The following CACNA1E variants were observed in gnomAD, a reference collection of about 807,000 sequenced individuals.
The protein encoded by CACNA1E is voltage-dependent R-type calcium channel subunit alpha-1E.
A neutral mutation model predicts 259.2 loss-of-function variants in CACNA1E; 40 were observed. That is an observed-to-expected ratio of 0.15 (90% CI 0.12 to 0.20). The LOEUF is 0.20. Ranked by LOEUF, CACNA1E falls within the 10% of genes least tolerant of loss-of-function variation. The pLI, the probability that CACNA1E is intolerant of heterozygous loss-of-function variation, is 1.00. For missense variants in CACNA1E, 1,874 were observed against 3,040.1 expected (o/e 0.62, Z 9.02); for synonymous variants, 1,104 against 1,138.5 (o/e 0.97, Z 0.61).
intron 35 of CACNA1E, among the ~76,000 whole-genome samples, chr1:181,768,540 A>G (rs1246310581): frequency 6.6e-6 from 1 of 152,212 alleles, no homozygotes; most frequent in Non-Finnish European, 1.5e-5. Flanking sequence ...TCATAACTCT[A>G]TACTGTGTCT....
chr1:181,615,885 C>A (rs964796565), intron 6 of CACNA1E, among the ~76,000 whole-genome samples: 1 of 152,022 alleles, frequency 6.6e-6, no homozygotes, highest in African/African-American at 2.4e-5. Context: ...TTATAGACAC[C>A]CTTTTTAGGA....
Position 181,718,180 on chromosome 1 carries a change from A to G in CACNA1E, c.1638+13A>G. On this transcript the variant is annotated intron_variant, in intron 12 of 47. Coordinates refer to ENST00000367573, the MANE Select transcript of CACNA1E (RefSeq NM_001205293.3). ...CTTTGATTTTGGGGTAAGTCCTCGG[A>G]AGCCTGCCTCTGCTCCTGCTTCGTG... The G allele has an allele frequency of 2.9e-6, 4 of 1,391,926 alleles. No individual in the cohort carries two copies. Among genetic ancestry groups the G allele is most frequent in the Non-Finnish European group, 3.1e-6 (3 of 981,288 alleles). 86.2% of individuals were successfully genotyped at this position (1,391,926 alleles called of 1,614,324 possible). A position where few individuals can be genotyped will look rare whatever the true frequency, so the allele number is the denominator to read the frequency against.
intron 3 of CACNA1E, among the ~76,000 whole-genome samples, chr1:181,576,764 A>G (rs1255608854): frequency 4.6e-5 from 7 of 152,246 alleles, no homozygotes; most frequent in Non-Finnish European, 7.3e-5. Context: ...GTTTTAAATT[A>G]AGATTTTATT....
At position 181,559,888 on chromosome 1, in the gene CACNA1E, A is replaced by T. The variant is rs188052085; in HGVS notation, c.513-17878A>T. On this transcript the variant is annotated intron_variant, in intron 3 of 47. Transcript: ENST00000367573. ...AGAGGGGGTCATCACAGAGCTGCTG[A>T]AGGCGTGGGATGCAGAGCATCGACA... 2.8e-3 allele frequency among the ~76,000 whole-genome samples: 430 copies of T among 152,324 alleles called. 2 individuals are homozygous for T. Among genetic ancestry groups the T allele is most frequent in the Non-Finnish European group, 4.0e-3 (270 of 68,024 alleles).
intron 6 of CACNA1E, among the ~76,000 whole-genome samples, chr1:181,629,328 C>T (rs1293200657): frequency 1.3e-5 from 2 of 152,156 alleles, no homozygotes; most frequent in Non-Finnish European, 2.9e-5. Context: ...ATGTATTTTT[C>T]TAATGGCCAG....
intron 45 of CACNA1E, 89 bp downstream of exon 45, chr1:181,793,882 G>A (rs1004550354): frequency 3.9e-5 from 54 of 1,384,124 alleles, no homozygotes; most frequent in Middle Eastern, 2.2e-4. Context: ...CAGGTGAGCC[G>A]TTGACTTGCC....
intron 8 of CACNA1E, 40 bp downstream of exon 8, chr1:181,711,109 C>A: frequency 7.4e-7 from 1 of 1,351,046 alleles, no homozygotes; most frequent in Non-Finnish European, 1.1e-6. Flanking sequence ...GAGTGGGCTG[C>A]AGAGACATCA....
chr1:181,799,343 C>T lies in CACNA1E; in HGVS notation c.*509C>T, dbSNP rs1662096583. The T allele has an allele frequency of 6.5e-6, 1 of 153,320 alleles. No homozygotes were observed. The allele number at this position is 153,320 out of a possible 1,614,324, so 9.5% of individuals were successfully genotyped here. A position where few individuals can be genotyped will look rare whatever the true frequency, so the allele number is the denominator to read the frequency against. On this transcript the variant is annotated 3_prime_UTR_variant, in exon 48 of 48. Coordinates refer to ENST00000367573, the MANE Select transcript of CACNA1E (RefSeq NM_001205293.3). The stretch of plus-strand genomic sequence containing the variant: ...CTGCAGCAGCATCTCATGCATAACC[C>T]TGTGGCTTGCTTCCCCCAGGGCAGC...
intron 3 of CACNA1E, among the ~76,000 whole-genome samples, chr1:181,568,690 G>A (rs1246472414): frequency 6.6e-6 from 1 of 152,042 alleles, no homozygotes; most frequent in Non-Finnish European, 1.5e-5. Context: ...CTATCTCCTG[G>A]GGTTGTGATT....
At chr1:181,339,764 C>A (rs975491480) in intron 1 of CACNA1E, among the ~76,000 whole-genome samples, 7 of 151,920 alleles carry the variant, frequency 4.6e-5, no homozygotes, top group African/African-American at 1.7e-4. Flanking sequence ...TATTAAAAAC[C>A]ATTTATATTT....
At chr1:181,680,071 A>G (rs1428945884) in intron 7 of CACNA1E, among the ~76,000 whole-genome samples, 1 of 142,016 alleles carries the variant, frequency 7.0e-6, no homozygotes, top group Non-Finnish European at 1.5e-5. Flanking sequence ...GCATCACTGA[A>G]GTCCAGCCTG....
intron 1 of CACNA1E, among the ~76,000 whole-genome samples, chr1:181,330,309 T>C (rs922918848): frequency 2.6e-5 from 4 of 151,988 alleles, no homozygotes; most frequent in Non-Finnish European, 5.9e-5. Context: ...CTCCCTGCCA[T>C]GGCCACCTCC....
intron 1 of CACNA1E, among the ~76,000 whole-genome samples, chr1:181,350,314 C>T (rs1363474406): frequency 6.6e-6 from 1 of 152,206 alleles, no homozygotes; most frequent in Non-Finnish European, 1.5e-5. Context: ...GCACTGAGAG[C>T]CCTCCGTCAT....
chr1:181,649,528 A>T (rs1044929176), intron 6 of CACNA1E, among the ~76,000 whole-genome samples: 2 of 152,212 alleles, frequency 1.3e-5, no homozygotes, highest in Non-Finnish European at 2.9e-5. Context: ...AATATAAATC[A>T]TTCGGTTATA....
chr1:181,324,687 GTTCC>G (rs1365157270), intron 1 of CACNA1E, among the ~76,000 whole-genome samples: 1 of 152,182 alleles, frequency 6.6e-6, no homozygotes, highest in East Asian at 1.9e-4. Context: ...GGAAGATCCT[GTTCC>G]TTCCACTGTT....
At chr1:181,752,328 C>A in intron 27 of CACNA1E, 89 bp downstream of exon 27, 1 of 937,140 alleles carries the variant, frequency 1.1e-6, no homozygotes, top group Non-Finnish European at 1.8e-6. Flanking sequence ...AGAATTTGTT[C>A]TGGGAATATT....
intron 2 of CACNA1E, among the ~76,000 whole-genome samples, chr1:181,437,437 T>G (rs1194491059): frequency 6.6e-6 from 1 of 152,160 alleles, no homozygotes; most frequent in Non-Finnish European, 1.5e-5. Flanking sequence ...CTCTCCTGTA[T>G]AGCAAAACTT....
chr1:181,771,377 C>A lies in CACNA1E; in HGVS notation c.4966C>A (p.Leu1656Ile). Residue 1656 changes from leucine to isoleucine, a missense_variant, in exon 36 of 48, where the codon CTC (leucine) becomes ATC (isoleucine). Coordinates refer to ENST00000367573, the MANE Select transcript of CACNA1E (RefSeq NM_001205293.3). ...GAGTTTCTTTGGGTCCCTAATGCTA[C>A]TCTTCAGGTACCTGGATGCGTAACT... Reference protein sequence around the residue: ...FRSFFGSLMLLFRSATGEAWQ... With the variant: ...FRSFFGSLMLIFRSATGEAWQ... 1 of 1,569,660 alleles carries A rather than the reference C, an allele frequency of 6.4e-7. No homozygotes were observed. Among genetic ancestry groups the A allele is most frequent in the Non-Finnish European group, 8.7e-7 (1 of 1,143,482 alleles).
At chr1:181,551,569 CA>C (rs1347285066) in intron 3 of CACNA1E, among the ~76,000 whole-genome samples, 2 of 152,170 alleles carry the variant, frequency 1.3e-5, no homozygotes, top group Non-Finnish European at 2.9e-5. Context: ...CAAATTTTGG[CA>C]GGCGCTCATG....
Sources: gnomAD v4.1 joint callset for allele counts (sites outside exome capture counted in the v4.1 genomes callset) on GRCh38, gnomAD v4.1.1 for gene constraint, MANE v1.5 for transcripts, NCBI Gene and HGNC (gene_info 2026-07-23, HGNC 2026-07-21) for gene names.